The following SLC4A10 variants were observed in gnomAD, a reference collection of about 807,000 sequenced individuals.
SLC4A10 encodes sodium-driven chloride bicarbonate exchanger.
SLC4A10 carries 42 observed loss-of-function variants against 137.7 expected under a neutral mutation model. The observed-to-expected ratio is 0.30, with a 90% CI of 0.24 to 0.39. SLC4A10 has a LOEUF of 0.39. SLC4A10 is among the 10% of genes least tolerant of loss of function. The pLI is 1.00. For missense variants in SLC4A10, 925 were observed against 1,355.0 expected (o/e 0.68, Z 4.98); for synonymous variants, 474 against 464.1 (o/e 1.02, Z -0.27).
At chr2:161,827,480 G>A (rs1476210145) in intron 3 of SLC4A10, among the ~76,000 whole-genome samples, 1 of 152,006 alleles carries the variant, frequency 6.6e-6, no homozygotes, top group Non-Finnish European at 1.5e-5. Context: ...AATTTGTAAA[G>A]CTCTCTATTT....
At chr2:161,695,809 C>T (rs972671039) in intron 1 of SLC4A10, among the ~76,000 whole-genome samples, 37 of 152,156 alleles carry the variant, frequency 2.4e-4, no homozygotes, top group African/African-American at 6.5e-4. Flanking sequence ...CTGCATTCTA[C>T]GACAATAAAC....
At chr2:161,956,939 G>A in intron 19 of SLC4A10, 50 bp from the exon 20 acceptor site, 2 of 1,521,366 alleles carry the variant, frequency 1.3e-6, no homozygotes, top group African/African-American at 1.4e-5. Context: ...GCCACCCTTA[G>A]CCCTGTTATT....
At chr2:161,928,548 A>G (rs1311171827) in intron 15 of SLC4A10, among the ~76,000 whole-genome samples, 1 of 150,552 alleles carries the variant, frequency 6.6e-6, no homozygotes, top group Non-Finnish European at 1.5e-5. Context: ...AAAGTATAAT[A>G]TATAATAAAA....
chr2:161,774,214 G>A (rs891037112), intron 2 of SLC4A10, among the ~76,000 whole-genome samples: 9 of 151,782 alleles, frequency 5.9e-5, no homozygotes, highest in Non-Finnish European at 1.2e-4. Context: ...AATGTGAGAT[G>A]AGTACTATCT....
At position 161,799,888 on chromosome 2, in the gene SLC4A10, G is replaced by A. The variant is rs761428547; in HGVS notation, c.131-4561G>A. Among the ~76,000 whole-genome samples the A allele has an allele frequency of 3.3e-5, 5 of 151,844 alleles. No homozygotes were observed. In the South Asian group the frequency reaches 1.0e-3, roughly 32 times the overall value. ...AATTATGAATCTGGGAATTTATATA[G>A]GAATTACTATATAAACTCTTTATAT... On this transcript the variant is annotated intron_variant, in intron 2 of 26. Transcript: ENST00000446997.
Position 161,941,711 on chromosome 2 carries a change from C to CA in SLC4A10, c.1998-1080dup, listed in dbSNP as rs1692738690. 3.9e-5 allele frequency among the ~76,000 whole-genome samples: 6 copies of CA among 152,094 alleles called. 1 individual carries two copies. The highest frequency in any genetic ancestry group is 3.9e-4 in the Admixed American group (6 of 15,256). Reference sequence around the variant, plus strand: ...GCAGCGTAACATGGTTGGTTGAAATCAGCCATGGAGCAAGTCTTTCAAAAG... The same window carrying CA: ...GCAGCGTAACATGGTTGGTTGAAATCAAGCCATGGAGCAAGTCTTTCAAAAG... On this transcript the variant is annotated intron_variant, in intron 15 of 26. Coordinates refer to ENST00000446997, the MANE Select transcript of SLC4A10 (RefSeq NM_001178015.2).
intron 1 of SLC4A10, among the ~76,000 whole-genome samples, chr2:161,634,398 A>G (rs1301180948): frequency 6.6e-6 from 1 of 151,896 alleles, no homozygotes; most frequent in Non-Finnish European, 1.5e-5. Flanking sequence ...TTGAAAAGTC[A>G]AAAAAGTTTC....
intron 2 of SLC4A10, among the ~76,000 whole-genome samples, chr2:161,777,032 C>T (rs1215533153): frequency 2.6e-5 from 4 of 151,380 alleles, no homozygotes; most frequent in Admixed American, 2.6e-4. Context: ...CATTCAAGTC[C>T]TTTGTCTATT....
At chr2:161,857,913 TG>T in intron 5 of SLC4A10, among the ~76,000 whole-genome samples, 1 of 152,288 alleles carries the variant, frequency 6.6e-6, no homozygotes, top group Admixed American at 6.5e-5. Context: ...GGATCTCCTA[TG>T]TTGCCCAGGC....
In SLC4A10 at chr2:161,970,259, G is replaced by A. The variant is rs560679395; in HGVS notation, c.3160-3990G>A. Among the ~76,000 whole-genome samples the A allele has an allele frequency of 2.6e-5, 4 of 152,188 alleles. No homozygotes were observed. The East Asian group carries it at 7.7e-4, about 29-fold the overall frequency. Reference sequence around the variant, plus strand: ...CTGATGAAAAATATGTTACATTTATGTACTGATATGAACTCTATATAGACT... The same window carrying A: ...CTGATGAAAAATATGTTACATTTATATACTGATATGAACTCTATATAGACT... On this transcript the variant is annotated intron_variant, in intron 23 of 26. Coordinates refer to ENST00000446997, the MANE Select transcript of SLC4A10 (RefSeq NM_001178015.2).
intron 1 of SLC4A10, among the ~76,000 whole-genome samples, chr2:161,656,606 T>A (rs1355325139): frequency 1.3e-5 from 2 of 152,158 alleles, no homozygotes; most frequent in African/African-American, 4.8e-5. Flanking sequence ...ATGTATAAAA[T>A]ACAAATATAA....
chr2:161,717,722 A>T (rs1018266785), intron 1 of SLC4A10, among the ~76,000 whole-genome samples: 2 of 152,062 alleles, frequency 1.3e-5, no homozygotes, highest in Non-Finnish European at 2.9e-5. Flanking sequence ...TTTTGCATTG[A>T]TATTCATCAG....
chr2:161,781,804 T>A (rs185908593), intron 2 of SLC4A10, among the ~76,000 whole-genome samples: 3 of 152,164 alleles, frequency 2.0e-5, no homozygotes, highest in African/African-American at 7.2e-5. Context: ...ATTGAAGGGC[T>A]CCTGCACCCT....
At chr2:161,697,327 A>G (rs1375837634) in intron 1 of SLC4A10, among the ~76,000 whole-genome samples, 2 of 152,070 alleles carry the variant, frequency 1.3e-5, no homozygotes, top group Non-Finnish European at 2.9e-5. Flanking sequence ...CCATTTGTCA[A>G]TTTTGGCTTT....
intron 6 of SLC4A10, among the ~76,000 whole-genome samples, chr2:161,869,124 G>A (rs945188007): frequency 2.2e-4 from 34 of 151,438 alleles, no homozygotes; most frequent in African/African-American, 5.6e-4. Context: ...ATTTTTTTCC[G>A]TGAGGGAAAA....
chr2:161,749,973 T>G (rs2125297676), intron 1 of SLC4A10, among the ~76,000 whole-genome samples: 1 of 151,908 alleles, frequency 6.6e-6, no homozygotes, highest in South Asian at 2.1e-4. Flanking sequence ...TTTGATTTGG[T>G]TTCAGTAGGC....
intron 2 of SLC4A10, among the ~76,000 whole-genome samples, chr2:161,771,343 C>T (rs1212676647): frequency 3.3e-5 from 5 of 151,766 alleles, no homozygotes; most frequent in Non-Finnish European, 7.4e-5. Flanking sequence ...CATGTAATTA[C>T]AATCAATTGA....
intron 1 of SLC4A10, among the ~76,000 whole-genome samples, chr2:161,667,721 T>TA: frequency 6.6e-6 from 1 of 151,862 alleles, no homozygotes; most frequent in Non-Finnish European, 1.5e-5. Flanking sequence ...TCTCAAGTAA[T>TA]ACTGCCATCA....
chr2:161,703,843 C>G (rs942310291), intron 1 of SLC4A10, among the ~76,000 whole-genome samples: 6 of 151,446 alleles, frequency 4.0e-5, no homozygotes, highest in African/African-American at 1.5e-4. Flanking sequence ...CTGAACTGAC[C>G]CTATGTGTTG....
Sources: gnomAD v4.1 joint callset for allele counts (sites outside exome capture counted in the v4.1 genomes callset) on GRCh38, gnomAD v4.1.1 for gene constraint, MANE v1.5 for transcripts, NCBI Gene and HGNC (gene_info 2026-07-23, HGNC 2026-07-21) for gene names.